Variants in TMEM87B observed in about 807,000 individuals in gnomAD.
TMEM87B encodes transmembrane protein 87B.
In TMEM87B, 83 loss-of-function variants were observed where a neutral mutation model predicts 80.3. That is an observed-to-expected ratio of 1.03 (90% CI 0.87 to 1.24). The LOEUF (loss-of-function observed/expected upper bound fraction) is 1.24. Ranked by LOEUF, TMEM87B falls within the 50% of genes most tolerant of loss-of-function variation. TMEM87B has a pLI of 0.00. For synonymous variants in TMEM87B, 219 were observed against 230.5 expected (o/e 0.95, Z 0.45); for missense variants, 625 against 674.4 (o/e 0.93, Z 0.81).
At position 112,058,958 on chromosome 2, in the gene TMEM87B, G is replaced by A. The variant is rs2104451603; in HGVS notation, c.166-1019G>A. On this transcript the variant is annotated intron_variant, in intron 1 of 18. Transcript: ENST00000283206. Reference sequence around the variant, plus strand: ...CAAGGTGGACAATGTAGGAAAAGTTGGTGAGCAGAGAGGAGTGTGTCTGGT... The same window carrying A: ...CAAGGTGGACAATGTAGGAAAAGTTAGTGAGCAGAGAGGAGTGTGTCTGGT... Among the ~76,000 whole-genome samples, 2 of 152,318 alleles carry A rather than the reference G, an allele frequency of 1.3e-5. 1 individual carries two copies. Among genetic ancestry groups the A allele is most frequent in the Middle Eastern group, 6.8e-3 (2 of 294 alleles).
rs962213460 is a variant in TMEM87B at position 112,118,102 on chromosome 2, C to T, written c.*1959C>T. On this transcript the variant is annotated 3_prime_UTR_variant, in exon 19 of 19. Transcript: ENST00000283206. ...CATCCAGAGAAAGCAGAATTCCCTC[C>T]TAGTAACCTCATTACAAATACTGTT... The T allele has an allele frequency of 6.6e-6, 1 of 152,162 alleles. No individual in the cohort carries two copies. Among genetic ancestry groups the T allele is most frequent in the Non-Finnish European group, 1.5e-5 (1 of 67,992 alleles). The allele number at this position is 152,162 out of a possible 1,614,324, so 9.4% of individuals were successfully genotyped here.
chr2:112,069,698 G>A (rs1678566419), intron 4 of TMEM87B, among the ~76,000 whole-genome samples: 2 of 152,146 alleles, frequency 1.3e-5, no homozygotes, highest in African/African-American at 2.4e-5. Flanking sequence ...AGTAATGGAA[G>A]TACTGTGTCA....
chr2:112,107,161 C>T (rs1679790299), intron 16 of TMEM87B, among the ~76,000 whole-genome samples: 1 of 152,054 alleles, frequency 6.6e-6, no homozygotes, highest in Admixed American at 6.6e-5. Flanking sequence ...AGTTCGAGAC[C>T]AGCCTGGGCA....
intron 10 of TMEM87B, among the ~76,000 whole-genome samples, chr2:112,090,398 G>A (rs988705386): frequency 6.6e-6 from 1 of 151,814 alleles, no homozygotes; most frequent in Non-Finnish European, 1.5e-5. Flanking sequence ...TTGGTTGGTT[G>A]GTTGGTTGGT....
intron 1 of TMEM87B, among the ~76,000 whole-genome samples, chr2:112,057,416 T>C (rs1252246237): frequency 6.6e-6 from 1 of 152,146 alleles, no homozygotes; most frequent in Non-Finnish European, 1.5e-5. Context: ...GCGAAGACTA[T>C]AGGTACATGC....
At chr2:112,069,329 C>CTTA (rs952644755) in intron 4 of TMEM87B, among the ~76,000 whole-genome samples, 2 of 152,172 alleles carry the variant, frequency 1.3e-5, no homozygotes, top group Non-Finnish European at 2.9e-5. Flanking sequence ...AGCCTTCACC[C>CTTA]TTAAGTAGGC....
chr2:112,060,032 T>G lies in TMEM87B; in HGVS notation c.221T>G (p.Leu74Ter). Residue 74 changes from leucine to a stop codon, truncating the protein, a stop_gained, in exon 2 of 19, where the codon TTA (leucine) becomes TGA (stop). Transcript: ENST00000283206. LOFTEE classifies it high-confidence loss of function. ...ATGTTTAACTCTACAGATATCAAGT[T>G]ATCTGGTAAGTATAATAAAACAATA... is the stretch of plus-strand genomic sequence containing the variant. Reference protein sequence around the residue: ...KTMFNSTDIKLSVKSFHCSGP... With the variant: ...KTMFNSTDIK 6.3e-7 allele frequency: 1 copy of G among 1,585,410 alleles called. No individual in the cohort carries two copies. Among genetic ancestry groups the G allele is most frequent in the Non-Finnish European group, 8.6e-7 (1 of 1,161,668 alleles).
chr2:112,093,668 C>T (rs540259668), intron 11 of TMEM87B, among the ~76,000 whole-genome samples: 1 of 152,162 alleles, frequency 6.6e-6, no homozygotes, highest in East Asian at 1.9e-4. Context: ...AAATATCTTC[C>T]TCTGGTGTCA....
In TMEM87B at chr2:112,087,232, C is replaced by A. The variant is rs1385189778; in HGVS notation, c.938+1128C>A. Among the ~76,000 whole-genome samples the A allele has an allele frequency of 2.6e-5, 4 of 152,190 alleles. No homozygotes were observed. The East Asian group carries it at 7.8e-4, about 30-fold the overall frequency. The stretch of plus-strand genomic sequence containing the variant: ...AGTCCAGCTTTCCTTCTGCCTCAGG[C>A]TCCCACCCGAGCAGGGGAATTTGCC... On this transcript the variant is annotated intron_variant, in intron 9 of 18. Transcript: ENST00000283206.
At position 112,118,734 on chromosome 2, in the gene TMEM87B, T is replaced by G. The variant is rs180968630; in HGVS notation, c.*2591T>G. The G allele has an allele frequency of 3.5e-4, 53 of 152,286 alleles. No homozygotes were observed. The East Asian group carries it at 9.3e-3, about 27-fold the overall frequency. 9.4% of individuals were successfully genotyped at this position (152,286 alleles called of 1,614,324 possible). ...AAAATACCACCTTTTCCCCTTGTAT[T>G]ACAGTACAATGTTTACATTACTATA... On this transcript the variant is annotated 3_prime_UTR_variant, in exon 19 of 19. Transcript: ENST00000283206.
At chr2:112,083,791 T>G (rs1020165321) in intron 8 of TMEM87B, among the ~76,000 whole-genome samples, 2 of 152,204 alleles carry the variant, frequency 1.3e-5, no homozygotes, top group Non-Finnish European at 2.9e-5. Flanking sequence ...TTTGTTCAAC[T>G]AACATTTATT....
At chr2:112,093,540 T>C (rs1456962604) in intron 11 of TMEM87B, among the ~76,000 whole-genome samples, 3 of 152,200 alleles carry the variant, frequency 2.0e-5, no homozygotes, top group Non-Finnish European at 4.4e-5. Flanking sequence ...AAGAGTTGTT[T>C]CTGACTGAAC....
At position 112,077,286 on chromosome 2, in the gene TMEM87B, T is replaced by C. The variant is rs1482031985; in HGVS notation, c.592+4T>C. 1 of 1,500,572 alleles carries C rather than the reference T, an allele frequency of 6.7e-7. No homozygotes were observed. The highest frequency in any genetic ancestry group is 1.4e-5 in the African/African-American group (1 of 72,264). The allele number at this position is 1,500,572 out of a possible 1,614,324, so 93.0% of individuals were successfully genotyped here. On this transcript the variant is annotated splice_donor_region_variant and intron_variant, in intron 6 of 18. Coordinates refer to ENST00000283206, the MANE Select transcript of TMEM87B (RefSeq NM_032824.3). The stretch of plus-strand genomic sequence containing the variant: ...GATGCAAGCTGGAATTTGAATGGTA[T>C]AGTTAAACTGCATGCATGTTTACTG...
intron 2 of TMEM87B, among the ~76,000 whole-genome samples, chr2:112,060,479 A>G (rs889146257): frequency 6.6e-6 from 1 of 152,158 alleles, no homozygotes; most frequent in African/African-American, 2.4e-5. Flanking sequence ...AAGTAGTTCT[A>G]ACATTTTAAG....
chr2:112,092,354 T>A (rs1401402239), intron 11 of TMEM87B, among the ~76,000 whole-genome samples: 1 of 152,042 alleles, frequency 6.6e-6, no homozygotes, highest in Non-Finnish European at 1.5e-5. Context: ...TGCCTCTGGG[T>A]GGACATGCAT....
At chr2:112,063,093 C>T (rs185426085) in intron 2 of TMEM87B, among the ~76,000 whole-genome samples, 13 of 152,302 alleles carry the variant, frequency 8.5e-5, no homozygotes, top group African/African-American at 3.1e-4. Context: ...CATTATCAGC[C>T]TTTGAGATGT....
chr2:112,056,697 C>T (rs1482427181), intron 1 of TMEM87B, among the ~76,000 whole-genome samples: 5 of 152,102 alleles, frequency 3.3e-5, no homozygotes, highest in Non-Finnish European at 7.4e-5. Context: ...AAAGTAGTTC[C>T]AAAGACTACA....
At chr2:112,102,852 G>A (rs1207247020) in intron 15 of TMEM87B, among the ~76,000 whole-genome samples, 1 of 152,130 alleles carries the variant, frequency 6.6e-6, no homozygotes, top group Non-Finnish European at 1.5e-5. Flanking sequence ...TCTATTTAAT[G>A]GTGAAATAGT....
intron 17 of TMEM87B, among the ~76,000 whole-genome samples, chr2:112,112,026 G>A (rs181846805): frequency 4.6e-5 from 7 of 152,048 alleles, no homozygotes; most frequent in South Asian, 4.1e-4. Flanking sequence ...TTCCTTAATC[G>A]TATTATTCCA....
Sources: gnomAD v4.1 joint callset for allele counts (sites outside exome capture counted in the v4.1 genomes callset) on GRCh38, gnomAD v4.1.1 for gene constraint, MANE v1.5 for transcripts, NCBI Gene and HGNC (gene_info 2026-07-23, HGNC 2026-07-21) for gene names.